The following CD99L2 variants were observed in gnomAD, a reference collection of about 807,000 sequenced individuals.
CD99L2 encodes CD99 antigen-like protein 2.
In CD99L2, 24 loss-of-function variants were observed where a neutral mutation model predicts 27.3. The ratio of observed to expected loss-of-function variants is 0.88; its 90% confidence interval spans 0.64 to 1.24. The LOEUF is 1.24. CD99L2 is among the 50% of genes most tolerant of loss of function. The pLI is 0.00. For missense variants in CD99L2, 255 were observed against 221.6 expected (o/e 1.15, Z -0.96); for synonymous variants, 97 against 87.9 (o/e 1.10, Z -0.58).
At chrX:150,771,808 G>A (rs1256494763) in intron 9 of CD99L2, 2 of 1,155,673 alleles carry the variant, frequency 1.7e-6, no homozygotes, top group Non-Finnish European at 2.3e-6. Context: ...GCGTTACCTT[G>A]ACCTGCTGCT....
intron 6 of CD99L2, among the ~76,000 whole-genome samples, chrX:150,794,328 G>C (rs967874051): frequency 8.9e-6 from 1 of 111,792 alleles, no homozygotes; most frequent in Non-Finnish European, 1.9e-5. Flanking sequence ...CTTCAGACGA[G>C]ACCCCAGCCC....
chrX:150,861,391 A>C (rs1369019629), intron 1 of CD99L2, among the ~76,000 whole-genome samples: 2 of 111,742 alleles, frequency 1.8e-5, no homozygotes, highest in African/African-American at 6.5e-5. Flanking sequence ...CCAAAACAGC[A>C]TGGTATTGGT....
intron 4 of CD99L2, among the ~76,000 whole-genome samples, chrX:150,804,361 A>G (rs1432931636): frequency 1.8e-5 from 2 of 112,605 alleles, no homozygotes; most frequent in African/African-American, 6.5e-5. Context: ...GAGACAAATA[A>G]AAATAGAAAC....
At chrX:150,868,282 G>C (rs1481116897) in intron 1 of CD99L2, among the ~76,000 whole-genome samples, 3 of 111,182 alleles carry the variant, frequency 2.7e-5, no homozygotes, top group Admixed American at 9.6e-5. Flanking sequence ...AATCCCAACA[G>C]TTTGAGAGGC....
intron 2 of CD99L2, chrX:150,828,200 G>A (rs1287871225): frequency 2.7e-5 from 3 of 111,568 alleles, no homozygotes; most frequent in Non-Finnish European, 5.6e-5. Context: ...TTTGTCACCC[G>A]ATTTAGGTCT....
chrX:150,769,698 GCTCCC>G (rs1557418923), intron 10 of CD99L2, among the ~76,000 whole-genome samples: 3 of 78,022 alleles, frequency 3.8e-5, no homozygotes, highest in Non-Finnish European at 5.9e-5. Flanking sequence ...GGCCTCGGCT[GCTCCC>G]CGACCCCAGC....
chrX:150,824,134 G>A lies in CD99L2; in HGVS notation c.130+7097C>T, dbSNP rs868937937. Among the ~76,000 whole-genome samples, 63 of 68,566 alleles carry A rather than the reference G, an allele frequency of 9.2e-4. 7 individuals are homozygous for A. Among genetic ancestry groups the A allele is most frequent in the Middle Eastern group, 0.027 (2 of 73 alleles). 59.5% of individuals were successfully genotyped at this position (68,566 alleles called of 115,157 possible). On this transcript the variant is annotated intron_variant, in intron 2 of 10. Transcript: ENST00000370377. Reference sequence around the variant, plus strand: ...AGAAGGAAGAAGGAAGGAGGAGGAGGAGGAGGAGAAGAAGGAAGGAGGAGG... The same window carrying A: ...AGAAGGAAGAAGGAAGGAGGAGGAGAAGGAGGAGAAGAAGGAAGGAGGAGG...
intron 4 of CD99L2, among the ~76,000 whole-genome samples, chrX:150,807,783 T>C (rs192476680): frequency 1.6e-4 from 18 of 112,424 alleles, no homozygotes; most frequent in African/African-American, 4.8e-4. Context: ...TTGATAGAAA[T>C]TGATTCATAC....
chrX:150,809,688 T>C, intron 4 of CD99L2, among the ~76,000 whole-genome samples: 1 of 111,691 alleles, frequency 9.0e-6, no homozygotes, highest in East Asian at 2.8e-4. Context: ...AATAGTCCAA[T>C]GGGGTTCAAT....
chrX:150,877,410 G>C (rs1286011423), intron 1 of CD99L2, among the ~76,000 whole-genome samples: 1 of 111,992 alleles, frequency 8.9e-6, no homozygotes, highest in Non-Finnish European at 1.9e-5. Context: ...ATAGCCAGTA[G>C]AATCAGATAA....
chrX:150,871,615 G>A (rs2047158376), intron 1 of CD99L2, among the ~76,000 whole-genome samples: 1 of 111,979 alleles, frequency 8.9e-6, no homozygotes, highest in Non-Finnish European at 1.9e-5. Context: ...CACCCCATGA[G>A]TCAGCAATCT....
chrX:150,860,339 T>C (rs1479968059), intron 1 of CD99L2, among the ~76,000 whole-genome samples: 3 of 112,077 alleles, frequency 2.7e-5, no homozygotes, highest in Non-Finnish European at 1.9e-5. Flanking sequence ...AACAGCCATA[T>C]TGACAAACCC....
At chrX:150,770,731 C>G (rs1233888831) in intron 9 of CD99L2, among the ~76,000 whole-genome samples, 1 of 112,978 alleles carries the variant, frequency 8.9e-6, no homozygotes, top group African/African-American at 3.2e-5. Context: ...TGTGCGTGTG[C>G]GGCCCGGGGG....
At chrX:150,874,149 T>C (rs190531998) in intron 1 of CD99L2, among the ~76,000 whole-genome samples, 122 of 111,805 alleles carry the variant, frequency 1.1e-3, no homozygotes, top group African/African-American at 3.7e-3. Flanking sequence ...TTTAAACAAA[T>C]GGGGCTATGA....
chrX:150,833,585 A>G (rs1290371637), intron 1 of CD99L2, among the ~76,000 whole-genome samples: 1 of 112,078 alleles, frequency 8.9e-6, no homozygotes, highest in African/African-American at 3.2e-5. Context: ...TCAAAACAGC[A>G]TGGTACTGGC....
intron 2 of CD99L2, among the ~76,000 whole-genome samples, chrX:150,826,997 A>C (rs2046377294): frequency 9.0e-6 from 1 of 111,487 alleles, no homozygotes; most frequent in Admixed American, 9.6e-5. Flanking sequence ...AGTACTCAGC[A>C]ATATCTGAAA....
At chrX:150,779,388 T>G (rs1241921567) in intron 7 of CD99L2, among the ~76,000 whole-genome samples, 1 of 112,192 alleles carries the variant, frequency 8.9e-6, no homozygotes, top group Admixed American at 9.4e-5. Context: ...AGTGATCCCA[T>G]CCTGTGGGCA....
At chrX:150,847,387 A>G (rs1351329463) in intron 1 of CD99L2, among the ~76,000 whole-genome samples, 1 of 111,803 alleles carries the variant, frequency 8.9e-6, no homozygotes, top group Non-Finnish European at 1.9e-5. Flanking sequence ...CAGCTTGTCA[A>G]TTTCTGCAAA....
At chrX:150,798,293 A>C (rs2045847263) in intron 4 of CD99L2, among the ~76,000 whole-genome samples, 1 of 81,807 alleles carries the variant, frequency 1.2e-5, no homozygotes, top group African/African-American at 4.6e-5. Flanking sequence ...GGGAGGGAAG[A>C]AGGGAAGGAA....
Sources: allele counts gnomAD v4.1 joint callset (sites outside exome capture counted in the v4.1 genomes callset), GRCh38; gene constraint gnomAD v4.1.1; transcripts MANE v1.5; gene names NCBI Gene and HGNC (gene_info 2026-07-23, HGNC 2026-07-21).